Variants in TSBP1 observed in about 807,000 individuals in gnomAD.
TSBP1 encodes the protein testis expressed basic protein 1, also known as testis-expressed basic protein 1.
Under a neutral mutation model 68.8 loss-of-function variants are expected in TSBP1, and 56 were observed. That is an observed-to-expected ratio of 0.81 (90% CI 0.66 to 1.02). The LOEUF is 1.02. TSBP1 is among the 50% of genes least tolerant of loss of function. TSBP1 has a pLI of 0.00. For synonymous variants in TSBP1, 171 were observed against 208.7 expected, an observed-to-expected ratio of 0.82 and a Z score of 1.56; for missense variants, 502 against 641.2, an observed-to-expected ratio of 0.78 and a Z score of 2.34.
Position 32,365,889 on chromosome 6 carries a change from A to T in TSBP1, c.217+278T>A, listed in dbSNP as rs2127660025. ...GTCTAAATTGATGCTTCTGTGTGGGAAGAAAGCTCCTATTCTACTATTTTG... is the reference window on the plus strand; with the variant it reads ...GTCTAAATTGATGCTTCTGTGTGGGTAGAAAGCTCCTATTCTACTATTTTG... On this transcript the variant is annotated intron_variant, in intron 6 of 22. Coordinates refer to ENST00000612031, the Ensembl canonical transcript of TSBP1. This position sits in a 1 kb window ranked among gnomAD's most constrained non-coding sequence, Gnocchi z 4.3. 1.8e-6 allele frequency: 1 copy of T among 541,610 alleles called. No individual in the cohort carries two copies. Among genetic ancestry groups the T allele is most frequent in the East Asian group, 4.5e-5 (1 of 22,098 alleles). 33.6% of individuals were successfully genotyped at this position (541,610 alleles called of 1,614,324 possible).
chr6:32,315,690 G>T lies in TSBP1; in HGVS notation c.580+82C>A. 1 of 889,582 alleles carries T rather than the reference G, an allele frequency of 1.1e-6. No individual in the cohort carries two copies. The highest frequency in any genetic ancestry group is 1.7e-6 in the Non-Finnish European group (1 of 604,750). 55.1% of individuals were successfully genotyped at this position (889,582 alleles called of 1,614,324 possible). A position where few individuals can be genotyped will look rare whatever the true frequency, so the allele number is the denominator to read the frequency against. On this transcript the variant is annotated intron_variant, in intron 19 of 22. Transcript: ENST00000612031. The surrounding 1 kb of genome is among the most constrained non-coding windows in gnomAD (Gnocchi z 5.4). ...AAGCAAATGAATATGAGAAATATGA[G>T]TCTCAATCTTTTGGATACTTAGAAG...
At chr6:32,366,447 C>G (rs9268369) in intron 4 of TSBP1, 145 bp from the exon 5 acceptor site, 324,389 of 840,398 alleles carry the variant, frequency 0.39, 67,120 homozygotes, top group Middle Eastern at 0.55. Context: ...AACATATTAA[C>G]TTTACCAACA....
chr6:32,313,366 G>C (rs542503108), intron 19 of TSBP1, among the ~76,000 whole-genome samples: 2 of 152,330 alleles, frequency 1.3e-5, no homozygotes, highest in East Asian at 3.9e-4. Flanking sequence ...CAGTGCTTAG[G>C]ATAATGCCTG....
In TSBP1 at chr6:32,360,088, T is replaced by G. The variant is rs866153009; in HGVS notation, c.218-4419A>C. Among the ~76,000 whole-genome samples, 46 of 152,276 alleles carry G rather than the reference T, an allele frequency of 3.0e-4. 1 individual carries two copies. The highest frequency in any genetic ancestry group is 1.1e-3 in the African/African-American group (45 of 41,550). ...ACCTACACTCTTAGTAAATTTCAAGTGTATAATACATTATAGTCACCATGC... is the reference window on the plus strand; with the variant it reads ...ACCTACACTCTTAGTAAATTTCAAGGGTATAATACATTATAGTCACCATGC... On this transcript the variant is annotated intron_variant, in intron 6 of 22. Transcript: ENST00000612031.
rs767554931 is a variant in TSBP1, at chr6:32,335,943, G to T, written c.431-11C>A. 34 of 1,605,078 alleles carry T rather than the reference G, an allele frequency of 2.1e-5. No homozygotes were observed. The highest frequency in any genetic ancestry group is 2.8e-5 in the Non-Finnish European group (33 of 1,175,126). ...GTCCTGTAGCTCCGGCTGTGAGAGAGAAAGAGGGAGAAAGAAAAAGATATC... is the reference window on the plus strand; with the variant it reads ...GTCCTGTAGCTCCGGCTGTGAGAGATAAAGAGGGAGAAAGAAAAAGATATC... On this transcript the variant is annotated splice_polypyrimidine_tract_variant and intron_variant, in intron 12 of 22. Transcript: ENST00000612031. This position sits in a 1 kb window ranked among gnomAD's most constrained non-coding sequence, Gnocchi z 5.5.
chr6:32,323,704 TAAC>T, intron 16 of TSBP1, 90 bp from the exon 18 acceptor site: 1 of 1,149,690 alleles, frequency 8.7e-7, no homozygotes, highest in Non-Finnish European at 1.3e-6. Flanking sequence ...TAGGTCATTA[TAAC>T]AATAGGGAAA....
At chr6:32,344,382 G>T (rs1444302253) in intron 9 of TSBP1, among the ~76,000 whole-genome samples, 4 of 150,452 alleles carry the variant, frequency 2.7e-5, no homozygotes, top group Non-Finnish European at 4.4e-5. Context: ...GTGTTCTTGG[G>T]CCTTTTAGCC....
chr6:32,293,148 T>C, exon 23 of TSBP1: 1 of 1,595,380 alleles, frequency 6.3e-7, no homozygotes, highest in Non-Finnish European at 8.6e-7. Flanking sequence ...TTTGGATCTT[T>C]CTCTGCATCT....
chr6:32,346,792 G>A (rs776383440), intron 9 of TSBP1, among the ~76,000 whole-genome samples: 3 of 152,088 alleles, frequency 2.0e-5, no homozygotes, highest in Admixed American at 6.5e-5. Context: ...AGCCGAGGTT[G>A]CACCCTGCAC....
chr6:32,308,526 A>C (rs1485858420), intron 19 of TSBP1, among the ~76,000 whole-genome samples: 1 of 139,938 alleles, frequency 7.1e-6, no homozygotes, highest in Non-Finnish European at 1.5e-5. Context: ...TGAACCCGGG[A>C]GGCGGAGCTT....
intron 9 of TSBP1, chr6:32,349,485 A>G (rs1771465031): frequency 4.7e-6 from 2 of 423,320 alleles, no homozygotes; most frequent in South Asian, 9.1e-5. Context: ...CTTATCCTTT[A>G]TTTACTCTGT....
chr6:32,325,654 G>A lies in TSBP1; in HGVS notation c.515-2040C>T. 1.9e-6 allele frequency: 2 copies of A among 1,068,362 alleles called. No individual in the cohort carries two copies. The highest frequency in any genetic ancestry group is 2.8e-4 in the Middle Eastern group (1 of 3,546). 66.2% of individuals were successfully genotyped at this position (1,068,362 alleles called of 1,614,324 possible). A position where few individuals can be genotyped will look rare whatever the true frequency, so the allele number is the denominator to read the frequency against. Reference sequence around the variant, plus strand: ...CTGACCGAGGCAGTTGCAAGAAAAGGGGATTTGCCTTTGTAACCTTTGATG... The same window carrying A: ...CTGACCGAGGCAGTTGCAAGAAAAGAGGATTTGCCTTTGTAACCTTTGATG... On this transcript the variant is annotated intron_variant, in intron 16 of 22. Coordinates refer to ENST00000612031, the Ensembl canonical transcript of TSBP1. This position sits in a 1 kb window ranked among gnomAD's most constrained non-coding sequence, Gnocchi z 4.4.
intron 19 of TSBP1, among the ~76,000 whole-genome samples, chr6:32,311,097 C>A (rs1438310121): frequency 1.3e-5 from 2 of 152,110 alleles, no homozygotes; most frequent in Admixed American, 6.6e-5. Flanking sequence ...GAGACCCCCC[C>A]TTTACTGGTT....
At chr6:32,342,954 C>T (rs1770544516) in intron 9 of TSBP1, among the ~76,000 whole-genome samples, 1 of 152,128 alleles carries the variant, frequency 6.6e-6, no homozygotes, top group Non-Finnish European at 1.5e-5. Context: ...GAAGAAATGA[C>T]TTCTGAAGAA....
Position 32,339,013 on chromosome 6 carries a change from A to G in TSBP1, c.389-14T>C. 1 of 1,609,150 alleles carries G rather than the reference A, an allele frequency of 6.2e-7. No homozygotes were observed. The highest frequency in any genetic ancestry group is 8.5e-7 in the Non-Finnish European group (1 of 1,176,538). ...CTGCAGTTCTGGCTAAAATACAAAC[A>G]AAAAAGGTGAGTTTGAAGAGAGCAT... On this transcript the variant is annotated splice_polypyrimidine_tract_variant and intron_variant, in intron 10 of 22. Coordinates refer to ENST00000612031, the Ensembl canonical transcript of TSBP1.
chr6:32,312,039 G>A (rs6934776), intron 19 of TSBP1, among the ~76,000 whole-genome samples: 30,967 of 152,000 alleles, frequency 0.2, 3,327 homozygotes, highest in Non-Finnish European at 0.22. Flanking sequence ...TCTGCAGTAC[G>A]AGCAATGAAG....
chr6:32,293,862 T>A, exon 23 of TSBP1: 1 of 1,613,078 alleles, frequency 6.2e-7, no homozygotes, highest in Non-Finnish European at 8.5e-7. Context: ...GGCTCCTTTA[T>A]GTGTGCTGAT....
chr6:32,357,334 T>C lies in TSBP1; in HGVS notation c.218-1665A>G, dbSNP rs1772463130. ...GATCTGTAAACAGGAAATTAAAAAT[T>C]AAGATATTACTAAATTACATAAGAA... On this transcript the variant is annotated intron_variant, in intron 6 of 22. Transcript: ENST00000612031. This position sits in a 1 kb window ranked among gnomAD's most constrained non-coding sequence, Gnocchi z 4.7. 6.6e-6 allele frequency among the ~76,000 whole-genome samples: 1 copy of C among 152,178 alleles called. No homozygotes were observed. The highest frequency in any genetic ancestry group is 2.1e-4 in the South Asian group (1 of 4,834).
intron 19 of TSBP1, among the ~76,000 whole-genome samples, chr6:32,305,697 T>C (rs1370060908): frequency 6.6e-6 from 1 of 152,156 alleles, no homozygotes; most frequent in Non-Finnish European, 1.5e-5. Context: ...GGTTTTGCCA[T>C]GTTGGCCAGG....
Sources: allele counts gnomAD v4.1 joint callset (sites outside exome capture counted in the v4.1 genomes callset), GRCh38; gene constraint gnomAD v4.1.1; non-coding constraint Gnocchi (gnomAD v3.1); transcripts MANE v1.5; gene names NCBI Gene and HGNC (gene_info 2026-07-23, HGNC 2026-07-21).